Variants in TAOK2 observed in about 807,000 individuals in gnomAD.
TAOK2 encodes the protein serine/threonine-protein kinase TAO2.
A neutral mutation model predicts 122.5 loss-of-function variants in TAOK2; 42 were observed. The ratio of observed to expected loss-of-function variants is 0.34; its 90% CI spans 0.27 to 0.44. The LOEUF is 0.44. Ranked by LOEUF, TAOK2 falls within the 20% of genes least tolerant of loss-of-function variation. The pLI is 1.00. For missense variants in TAOK2, 1,264 were observed against 1,644.9 expected (o/e 0.77, Z 4.01); for synonymous variants, 704 against 677.6 (o/e 1.04, Z -0.61).
chr16:29,981,922 C>G lies in TAOK2; in HGVS notation c.813C>G (p.Thr271=). 1.2e-6 allele frequency: 2 copies of G among 1,613,842 alleles called. No individual in the cohort carries two copies. The highest frequency in any genetic ancestry group is 1.6e-4 in the Middle Eastern group (1 of 6,062). Residue 271 remains threonine, a synonymous_variant, in exon 10 of 16, where the codon ACC becomes ACG. Transcript: ENST00000308893. The stretch of plus-strand genomic sequence containing the variant: ...AGAAAATCCCTCAAGACAGACCAAC[C>G]TCAGAGGTTCTCCTGAAGGTGAGGG... ...CLQKIPQDRP[T]SEVLLKHRFV... is the part of the protein sequence containing the mutation.
intron 10 of TAOK2, 65 bp downstream of exon 10, chr16:29,982,005 G>A: frequency 1.4e-6 from 2 of 1,402,512 alleles, no homozygotes; most frequent in Admixed American, 3.8e-5. Context: ...AGAACCCCCA[G>A]GGAAATTAGT....
At chr16:29,978,382 C>G in intron 4 of TAOK2, 29 bp downstream of exon 4, 2 of 1,604,778 alleles carry the variant, frequency 1.2e-6, no homozygotes, top group Non-Finnish European at 1.7e-6. Context: ...CTGGCCTGAT[C>G]TTTACTCCTA....
downstream of TAOK2, chr16:29,988,936 T>C (rs770329856): frequency 3.0e-5 from 30 of 985,278 alleles, no homozygotes; most frequent in Non-Finnish European, 3.4e-5. Flanking sequence ...TGCTGGCCGG[T>C]TGAACTTGTC....
At position 29,985,306 on chromosome 16, in the gene TAOK2, C is replaced by A; in HGVS notation, c.1516C>A (p.Leu506Met). 1 of 1,606,748 alleles carries A rather than the reference C, an allele frequency of 6.2e-7. No homozygotes were observed. The highest frequency in any genetic ancestry group is 1.1e-5 in the South Asian group (1 of 90,464). Residue 506 changes from leucine to methionine, a missense_variant, in exon 14 of 16, where the codon CTG becomes ATG. Physicochemically the swap from Leu to Met is conservative, Grantham distance 15 (BLOSUM62 2). Around this residue, in one of 4 missense-constraint regions of TAOK2, gnomAD observed 64 missense variants for 115.7 expected, o/e 0.55. Transcript: ENST00000308893. The surrounding 1 kb of genome is among the most constrained non-coding windows in gnomAD (Gnocchi z 6.9). ...GATGCGACGACAGCACCAGAAGCAG[C>A]TGCTGGCCCTGGAGTCACGGCTGAG... Reference protein sequence around the residue: ...KRMRRQHQKQLLALESRLRGE... With the variant: ...KRMRRQHQKQMLALESRLRGE...
rs537180132 is a variant in TAOK2 at position 29,987,587 on chromosome 16, T to C, written c.3315T>C (p.Ala1105=). The C allele has an allele frequency of 1.2e-6, 2 of 1,612,572 alleles. No individual in the cohort carries two copies. The highest frequency in any genetic ancestry group is 1.3e-5 in the African/African-American group (1 of 74,998). ...MAFRALQGCG[A]VGDRGLFALY... ...TCCGGGCCCTGCAGGGCTGTGGGGC[T>C]GTGGGGGACCGGGGTCTGTTTGCAC... The change falls in exon 16 of 16, where the codon GCT becomes GCC. Residue 1105 remains alanine (A), a synonymous_variant. Transcript: ENST00000308893.
downstream of TAOK2, chr16:29,989,526 C>T (rs371862090): frequency 4.4e-6 from 7 of 1,603,094 alleles, no homozygotes; most frequent in East Asian, 2.2e-5. Context: ...CCTCCTCTTC[C>T]TCTTCCTCCT....
intron 10 of TAOK2, among the ~76,000 whole-genome samples, chr16:29,982,365 G>C (rs9925915): frequency 0.43 from 65,219 of 152,064 alleles, 14,073 homozygotes; most frequent in South Asian, 0.49. Context: ...CTGAGGAGCC[G>C]TAGTTGGAAA....
chr16:29,981,957 C>T lies in TAOK2; in HGVS notation c.831+17C>T. 6.2e-7 allele frequency: 1 copy of T among 1,600,672 alleles called. No homozygotes were observed. The highest frequency in any genetic ancestry group is 8.5e-7 in the Non-Finnish European group (1 of 1,169,670). ...CTCCTGAAGGTGAGGGCCTGCTGGC[C>T]TAGCATTCTCCTGGAACTGTAGCTT... On this transcript the variant is annotated intron_variant, in intron 10 of 15. Coordinates refer to ENST00000308893, the MANE Select transcript of TAOK2 (RefSeq NM_016151.4).
Position 29,981,902 on chromosome 16 carries a change from A to T in TAOK2, c.793A>T (p.Ile265Phe), listed in dbSNP as rs1158759155. 5.0e-6 allele frequency: 8 copies of T among 1,613,876 alleles called. No individual in the cohort carries two copies. Among genetic ancestry groups the T allele is most frequent in the Non-Finnish European group, 6.8e-6 (8 of 1,179,996 alleles). ...RNFVDSCLQKIPQDRPTSEVL... is the reference protein window; with the variant it reads ...RNFVDSCLQKFPQDRPTSEVL... ...TTTTGTCGACTCCTGTCTTCAGAAA[A>T]TCCCTCAAGACAGACCAACCTCAGA... is the stretch of plus-strand genomic sequence containing the variant. Residue 265 changes from isoleucine (I) to phenylalanine (F), a missense_variant, in exon 10 of 16, where the codon ATC becomes TTC. By Grantham distance (21) the Ile-to-Phe change is conservative (BLOSUM62 0). Transcript: ENST00000308893.
intron 1 of TAOK2, among the ~76,000 whole-genome samples, chr16:29,975,127 T>C (rs749703121): frequency 4.6e-5 from 7 of 152,018 alleles, no homozygotes; most frequent in African/African-American, 1.4e-4. Context: ...TGTGTATGCG[T>C]GTGTGTGTGT....
At chr16:29,978,468 G>A (rs2069523176) in intron 4 of TAOK2, 115 bp downstream of exon 4, 1 of 1,200,400 alleles carries the variant, frequency 8.3e-7, no homozygotes, top group African/African-American at 1.5e-5. Context: ...TCTTGGGAAG[G>A]AGGAAGTCTC....
intron 8 of TAOK2, chr16:29,980,958 T>C (rs910790813): frequency 6.5e-6 from 1 of 152,750 alleles, no homozygotes; most frequent in African/African-American, 2.4e-5. Context: ...GTAGACTCCA[T>C]TTCACCAGAT....
At chr16:29,981,812 T>C in intron 9 of TAOK2, 47 bp from the exon 10 acceptor site, 2 of 1,607,638 alleles carry the variant, frequency 1.2e-6, no homozygotes, top group East Asian at 4.5e-5. Context: ...TATGGATGCC[T>C]GACTCATGCC....
chr16:29,981,600 A>T, intron 8 of TAOK2, 61 bp from the exon 9 acceptor site: 1 of 1,528,808 alleles, frequency 6.5e-7, no homozygotes, highest in Non-Finnish European at 9.1e-7. Flanking sequence ...TCTCAGTTCC[A>T]TTCCATTGTC....
In TAOK2 at chr16:29,979,327, G is replaced by A; in HGVS notation, c.563+19G>A. On this transcript the variant is annotated intron_variant, in intron 7 of 15. Transcript: ENST00000308893. This position sits in a 1 kb window ranked among gnomAD's most constrained non-coding sequence, Gnocchi z 4.1. ...CATACTGGTGAGTGAGTGAGTGGTG[G>A]TGAGTGGAGAGACCTCCCAGGGATG... 1 of 1,613,630 alleles carries A rather than the reference G, an allele frequency of 6.2e-7. No individual in the cohort carries two copies. The highest frequency in any genetic ancestry group is 1.3e-5 in the African/African-American group (1 of 75,004).
intron 12 of TAOK2, 63 bp from the exon 13 acceptor site, chr16:29,983,440 C>A: frequency 6.4e-7 from 1 of 1,567,582 alleles, no homozygotes; most frequent in African/African-American, 1.3e-5. Context: ...TGGCTGTCCT[C>A]AGGTAGCTCT....
intron 1 of TAOK2, among the ~76,000 whole-genome samples, chr16:29,976,564 G>A (rs1047593263): frequency 6.6e-6 from 1 of 152,238 alleles, no homozygotes; most frequent in African/African-American, 2.4e-5. Flanking sequence ...ATTCTGACAA[G>A]TGCTTAGGCT....
At position 29,987,169 on chromosome 16, in the gene TAOK2, T is replaced by C; in HGVS notation, c.2897T>C (p.Leu966Pro). 1 of 1,563,478 alleles carries C rather than the reference T, an allele frequency of 6.4e-7. No homozygotes were observed. The highest frequency in any genetic ancestry group is 8.6e-7 in the Non-Finnish European group (1 of 1,159,882). Residue 966 changes from leucine to proline, a missense_variant, in exon 16 of 16, where the codon CTG becomes CCG. By Grantham distance (98) the Leu-to-Pro change is moderately conservative. Around this residue, in one of 4 missense-constraint regions of TAOK2, gnomAD observed 824 missense variants for 908.7 expected, o/e 0.91. Coordinates refer to ENST00000308893, the MANE Select transcript of TAOK2 (RefSeq NM_016151.4). Reference protein sequence around the residue: ...SFAVGSSSGLLPLLLLLLLPL... With the variant: ...SFAVGSSSGLPPLLLLLLLPL... ...GCAGTGGGGTCCTCCTCTGGCCTCCTGCCCCTCCTGCTGCTGCTGCTGCTT... is the reference window on the plus strand; with the variant it reads ...GCAGTGGGGTCCTCCTCTGGCCTCCCGCCCCTCCTGCTGCTGCTGCTGCTT...
intron 10 of TAOK2, 149 bp from the exon 11 acceptor site, chr16:29,982,585 T>TA: frequency 9.4e-7 from 1 of 1,061,000 alleles, no homozygotes; most frequent in Non-Finnish European, 1.3e-6. Flanking sequence ...TACAGAAAAT[T>TA]GTGAGAGAAG....
Sources: gnomAD v4.1 joint callset for allele counts (sites outside exome capture counted in the v4.1 genomes callset) on GRCh38, gnomAD v4.1.1 for gene constraint, gnomAD v4.1.1 regional missense constraint, Gnocchi (gnomAD v3.1) non-coding constraint, MANE v1.5 for transcripts, NCBI Gene and HGNC (gene_info 2026-07-23, HGNC 2026-07-21) for gene names.